The following OGA variants were observed in gnomAD, a reference collection of about 807,000 sequenced individuals.
OGA encodes the protein O-GlcNAcase.
OGA carries 21 observed loss-of-function variants against 102.0 expected under a neutral mutation model. That is an observed-to-expected ratio of 0.21 (90% CI 0.15 to 0.30). The LOEUF (loss-of-function observed/expected upper bound fraction) is 0.30, where lower values mean the gene tolerates loss of function less well. Ranked by LOEUF, OGA falls within the 10% of genes least tolerant of loss-of-function variation. The pLI is 1.00. For missense variants in OGA, 765 were observed against 1,107.8 expected, an observed-to-expected ratio of 0.69 and a Z score of 4.39; for synonymous variants, 408 against 378.2, an observed-to-expected ratio of 1.08 and a Z score of -0.91.
chr10:101,817,732 G>A, intron 1 of OGA, 92 bp downstream of exon 1: 3 of 1,403,412 alleles, frequency 2.1e-6, no homozygotes, highest in Non-Finnish European at 1.9e-6. Flanking sequence ...AGGCTTTCCG[G>A]CCTTTTAGAG....
intron 10 of OGA, among the ~76,000 whole-genome samples, chr10:101,794,655 T>C (rs1262397567): frequency 6.6e-6 from 1 of 152,232 alleles, no homozygotes; most frequent in African/African-American, 2.4e-5. Flanking sequence ...GAGCTAAATA[T>C]ACTTTTCTTA....
Position 101,815,961 on chromosome 10 carries a change from GA to G in OGA, c.199+1862del, listed in dbSNP as rs2065617446. On this transcript the variant is annotated intron_variant, in intron 1 of 15. Coordinates refer to ENST00000361464, the MANE Select transcript of OGA (RefSeq NM_012215.5). Reference sequence around the variant, plus strand: ...TGCCAACCAAGAGGTATCAAAAAGAGAGAAAAAAAAAAAAAAAAAAAAAAAA... The same window carrying G: ...TGCCAACCAAGAGGTATCAAAAAGAGGAAAAAAAAAAAAAAAAAAAAAAAA... Among the ~76,000 whole-genome samples the G allele has an allele frequency of 8.4e-4, 20 of 23,788 alleles. No homozygotes were observed. The East Asian group carries it at 9.9e-3, about 12-fold the overall frequency. The allele number at this position is 23,788 out of a possible 152,430, so 15.6% of individuals were successfully genotyped here.
In OGA at chr10:101,818,424, G is replaced by A; in HGVS notation, c.-402C>T. The A allele has an allele frequency of 3.0e-6, 3 of 1,010,530 alleles. No homozygotes were observed. Among genetic ancestry groups the A allele is most frequent in the African/African-American group, 1.7e-5 (1 of 58,088 alleles). 62.6% of individuals were successfully genotyped at this position (1,010,530 alleles called of 1,614,324 possible). A position where few individuals can be genotyped will look rare whatever the true frequency, so the allele number is the denominator to read the frequency against. On this transcript the variant is annotated 5_prime_UTR_variant, in exon 1 of 16. Transcript: ENST00000361464. ...CTCTCCCTCTGCTGCTGCCTCCACC[G>A]CCCGCTTCCTGTTTATCCGCACTGC...
rs2065176007 is a variant in OGA at position 101,784,802 on chromosome 10, TCTTA to T, written c.*1645_*1648del. ...GAGAAAACTGAGGAAAACTCAGCTG[TCTTA>T]CTATCTGGTAAGAGTCTTCCCTTCA... On this transcript the variant is annotated 3_prime_UTR_variant, in exon 16 of 16. Coordinates refer to ENST00000361464, the MANE Select transcript of OGA (RefSeq NM_012215.5). 6.6e-6 allele frequency: 1 copy of T among 152,266 alleles called. No homozygotes were observed. Among genetic ancestry groups the T allele is most frequent in the Non-Finnish European group, 1.5e-5 (1 of 68,050 alleles). 9.4% of individuals were successfully genotyped at this position (152,266 alleles called of 1,614,324 possible). A position where few individuals can be genotyped will look rare whatever the true frequency, so the allele number is the denominator to read the frequency against.
At chr10:101,792,794 T>C (rs1425666957) in intron 12 of OGA, 45 bp downstream of exon 12, 2 of 1,364,662 alleles carry the variant, frequency 1.5e-6, no homozygotes, top group Admixed American at 1.8e-5. Flanking sequence ...GTTTTAAGTG[T>C]GCACCATACC....
Position 101,807,782 on chromosome 10 carries a change from A to C in OGA, c.600T>G (p.Asn200Lys). 1 of 1,611,848 alleles carries C rather than the reference A, an allele frequency of 6.2e-7. No individual in the cohort carries two copies. The highest frequency in any genetic ancestry group is 8.5e-7 in the Non-Finnish European group (1 of 1,179,140). ...GCTCTCCTAGGTACTGATAGATTTC[A>C]TTTGTGATGGAGACTTGGGCATGAG... ...SFAHAQVSIT[N>K]EIYQYLGEPE... Residue 200 changes from asparagine (N) to lysine (K), a missense_variant, in exon 5 of 16, where the codon AAT becomes AAG. Physicochemically the swap from Asn to Lys is moderately conservative, Grantham distance 94. This residue lies in a region of OGA where 165 missense variants were observed against 249.7 expected (regional missense o/e 0.66). Transcript: ENST00000361464.
Position 101,786,284 on chromosome 10 carries a change from G to C in OGA, c.*167C>G, listed in dbSNP as rs1307131884. On this transcript the variant is annotated 3_prime_UTR_variant, in exon 16 of 16. Transcript: ENST00000361464. Reference sequence around the variant, plus strand: ...CTGCAATACTATATTCTTCCAACCAGTGAGTAGTCTCAAAGTGTGATGGGT... The same window carrying C: ...CTGCAATACTATATTCTTCCAACCACTGAGTAGTCTCAAAGTGTGATGGGT... 1.7e-6 allele frequency: 1 copy of C among 593,456 alleles called. No homozygotes were observed. Among genetic ancestry groups the C allele is most frequent in the Non-Finnish European group, 2.6e-6 (1 of 378,226 alleles). 36.8% of individuals were successfully genotyped at this position (593,456 alleles called of 1,614,324 possible).
At position 101,785,478 on chromosome 10, in the gene OGA, A is replaced by G. The variant is rs762623079; in HGVS notation, c.*973T>C. ...GTCAAATCCAACATTTCACATGCTG[A>G]CCTAATATTGAGGTTAATTTCCAGA... On this transcript the variant is annotated 3_prime_UTR_variant, in exon 16 of 16. Transcript: ENST00000361464. 33 of 152,786 alleles carry G rather than the reference A, an allele frequency of 2.2e-4. No homozygotes were observed. Among genetic ancestry groups the G allele is most frequent in the Non-Finnish European group, 2.9e-4 (20 of 68,046 alleles). 9.5% of individuals were successfully genotyped at this position (152,786 alleles called of 1,614,324 possible).
At chr10:101,793,304 C>T (rs2065279655) in intron 11 of OGA, among the ~76,000 whole-genome samples, 1 of 152,046 alleles carries the variant, frequency 6.6e-6, no homozygotes, top group Non-Finnish European at 1.5e-5. Flanking sequence ...AACAGAATGT[C>T]AGGAGGAGAG....
Position 101,798,835 on chromosome 10 carries a change from T to C in OGA, c.1809+7A>G. The C allele has an allele frequency of 6.2e-7, 1 of 1,608,028 alleles. No individual in the cohort carries two copies. The highest frequency in any genetic ancestry group is 1.1e-5 in the South Asian group (1 of 90,356). On this transcript the variant is annotated splice_region_variant and intron_variant, in intron 9 of 15. Coordinates refer to ENST00000361464, the MANE Select transcript of OGA (RefSeq NM_012215.5). The stretch of plus-strand genomic sequence containing the variant: ...GCTTCAGCAGCAGGTACATTAAACA[T>C]ACTCACTTTTTCAGAGTCTTTTCCT...
chr10:101,789,749 G>C (rs1436472469), intron 14 of OGA, among the ~76,000 whole-genome samples: 1 of 152,034 alleles, frequency 6.6e-6, no homozygotes, highest in Admixed American at 6.6e-5. Context: ...CGAGGCAGGC[G>C]GACTGCTTGA....
intron 11 of OGA, among the ~76,000 whole-genome samples, 181 bp from the exon 12 acceptor site, chr10:101,793,124 G>A (rs2065277768): frequency 6.6e-6 from 1 of 152,128 alleles, no homozygotes; most frequent in Non-Finnish European, 1.5e-5. Context: ...GAGTGCTTCT[G>A]AATAGAAATT....
chr10:101,786,353 T>C lies in OGA; in HGVS notation c.*98A>G, dbSNP rs1260964872. On this transcript the variant is annotated 3_prime_UTR_variant, in exon 16 of 16. Coordinates refer to ENST00000361464, the MANE Select transcript of OGA (RefSeq NM_012215.5). ...TTTGTTTCGAATCCAATTGGCTGAT[T>C]TGTTACCATTCTAGAGGCTGAACTG... 8.0e-6 allele frequency: 10 copies of C among 1,251,700 alleles called. No homozygotes were observed. Among genetic ancestry groups the C allele is most frequent in the Non-Finnish European group, 1.1e-5 (10 of 945,518 alleles). 77.5% of individuals were successfully genotyped at this position (1,251,700 alleles called of 1,614,324 possible).
chr10:101,787,261 G>T, intron 15 of OGA, 103 bp downstream of exon 15: 2 of 1,184,314 alleles, frequency 1.7e-6, no homozygotes, highest in Non-Finnish European at 2.3e-6. Context: ...GGTGGGAAAA[G>T]CAGTATAAAT....
chr10:101,818,087 G>A lies in OGA; in HGVS notation c.-65C>T, dbSNP rs1038808724. The A allele has an allele frequency of 1.4e-6, 2 of 1,462,242 alleles. No homozygotes were observed. Among genetic ancestry groups the A allele is most frequent in the South Asian group, 1.4e-5 (1 of 70,522 alleles). The allele number at this position is 1,462,242 out of a possible 1,614,324, so 90.6% of individuals were successfully genotyped here. A position where few individuals can be genotyped will look rare whatever the true frequency, so the allele number is the denominator to read the frequency against. The stretch of plus-strand genomic sequence containing the variant: ...TCGACCTCTGTCCGTTGGGGCACCG[G>A]CCCGGAGCCCTGGAGAGGGCTTCAG... On this transcript the variant is annotated 5_prime_UTR_variant, in exon 1 of 16. Coordinates refer to ENST00000361464, the MANE Select transcript of OGA (RefSeq NM_012215.5).
At chr10:101,812,981 C>G in intron 3 of OGA, 49 bp downstream of exon 3, 1 of 1,328,500 alleles carries the variant, frequency 7.5e-7, no homozygotes, top group Non-Finnish European at 1.1e-6. Context: ...TAAAATATAA[C>G]CGTTTTCTTC....
chr10:101,807,225 C>A (rs1163640527), intron 5 of OGA, among the ~76,000 whole-genome samples: 1 of 151,956 alleles, frequency 6.6e-6, no homozygotes, highest in Non-Finnish European at 1.5e-5. Context: ...TTTTGAGAAG[C>A]AACTAAGAGA....
intron 7 of OGA, 147 bp downstream of exon 7, chr10:101,803,587 TG>T: frequency 2.5e-6 from 2 of 815,738 alleles, no homozygotes; most frequent in Non-Finnish European, 3.7e-6. Flanking sequence ...CACTTGGTTT[TG>T]TTTCCTCCTT....
chr10:101,786,364 C>G lies in OGA; in HGVS notation c.*87G>C. ...TCCAATTGGCTGATTTGTTACCATT[C>G]TAGAGGCTGAACTGTATGAAGACCT... On this transcript the variant is annotated 3_prime_UTR_variant, in exon 16 of 16. Transcript: ENST00000361464. 1 of 1,319,676 alleles carries G rather than the reference C, an allele frequency of 7.6e-7. No individual in the cohort carries two copies. Among genetic ancestry groups the G allele is most frequent in the Non-Finnish European group, 1.0e-6 (1 of 1,001,982 alleles). The allele number at this position is 1,319,676 out of a possible 1,614,324, so 81.7% of individuals were successfully genotyped here. A position where few individuals can be genotyped will look rare whatever the true frequency, so the allele number is the denominator to read the frequency against.
Sources: allele counts gnomAD v4.1 joint callset (sites outside exome capture counted in the v4.1 genomes callset), GRCh38; gene constraint gnomAD v4.1.1; regional missense constraint gnomAD v4.1.1; transcripts MANE v1.5; gene names NCBI Gene and HGNC (gene_info 2026-07-23, HGNC 2026-07-21).